The following VPS13B variants were observed in gnomAD, a reference collection of about 807,000 sequenced individuals.
The protein encoded by VPS13B is vacuolar protein sorting 13 homolog B, also known as intermembrane lipid transfer protein VPS13B.
Under a neutral mutation model 426.4 loss-of-function variants are expected in VPS13B, and 285 were observed. That is an observed-to-expected ratio of 0.67 (90% CI 0.61 to 0.74). VPS13B has a LOEUF of 0.74. Among genes scored for constraint, VPS13B ranks in the 30% least tolerant of loss-of-function variants. VPS13B has a pLI of 0.00. For missense variants in VPS13B, 4,537 were observed against 4,782.6 expected, an observed-to-expected ratio of 0.95 and a Z score of 1.51; for synonymous variants, 1,676 against 1,676.4, an observed-to-expected ratio of 1.00 and a Z score of 0.01.
Position 99,832,632 on chromosome 8 carries a change from G to A in VPS13B, c.9594G>A (p.Arg3198=), listed in dbSNP as rs2130858464. 1.2e-6 allele frequency: 2 copies of A among 1,613,640 alleles called. No homozygotes were observed. Among genetic ancestry groups the A allele is most frequent in the Non-Finnish European group, 1.7e-6 (2 of 1,180,000 alleles). Residue 3198 remains arginine (R), a synonymous_variant, in exon 52 of 62, where the codon CGG becomes CGA. Transcript: ENST00000357162. ...QSVAVPLGNF[R]ENGFCTRAIV... is the part of the protein sequence containing the mutation. ...TGGCAGTACCCCTCGGGAATTTCCG[G>A]GAAAATGGATTCTGTACCAGGTATT...
intron 19 of VPS13B, among the ~76,000 whole-genome samples, chr8:99,299,784 T>G (rs1192787007): frequency 6.6e-6 from 1 of 151,920 alleles, no homozygotes; most frequent in Admixed American, 6.6e-5. Context: ...GTGGTGGGCC[T>G]CTGTAATTCC....
At chr8:99,786,085 G>A (rs1263126085) in intron 43 of VPS13B, among the ~76,000 whole-genome samples, 2 of 152,132 alleles carry the variant, frequency 1.3e-5, no homozygotes, top group Non-Finnish European at 2.9e-5. Context: ...AGGATGGGAA[G>A]GGTGATCATA....
intron 23 of VPS13B, among the ~76,000 whole-genome samples, chr8:99,465,366 A>T (rs1453088108): frequency 6.7e-6 from 1 of 149,902 alleles, no homozygotes; most frequent in Non-Finnish European, 1.5e-5. Context: ...AACAATCTGT[A>T]TGCTAAATAA....
chr8:99,020,114 G>A (rs1427770384), intron 2 of VPS13B, among the ~76,000 whole-genome samples: 1 of 151,288 alleles, frequency 6.6e-6, no homozygotes, highest in Admixed American at 6.6e-5. Context: ...AAGGTTCGAA[G>A]TGCTCCGTAT....
intron 23 of VPS13B, among the ~76,000 whole-genome samples, chr8:99,456,825 T>G (rs1200874716): frequency 1.3e-5 from 2 of 152,158 alleles, no homozygotes. Flanking sequence ...AGTTGGGAAG[T>G]CTTTCATTCT....
At chr8:99,641,311 G>A (rs1245429917) in intron 33 of VPS13B, among the ~76,000 whole-genome samples, 1 of 152,008 alleles carries the variant, frequency 6.6e-6, no homozygotes. Flanking sequence ...TCATAATTTA[G>A]GACTACTGAT....
At chr8:99,497,763 G>A (rs1821008481) in intron 25 of VPS13B, among the ~76,000 whole-genome samples, 2 of 151,946 alleles carry the variant, frequency 1.3e-5, no homozygotes, top group South Asian at 4.1e-4. Context: ...AAATTATTAT[G>A]CAAACAACCG....
chr8:99,138,798 CT>C (rs1471902944), intron 12 of VPS13B, among the ~76,000 whole-genome samples: 3 of 152,072 alleles, frequency 2.0e-5, no homozygotes, highest in Admixed American at 6.6e-5. Flanking sequence ...GGTAGGTTTC[CT>C]CTTGTTCAAT....
At chr8:99,415,983 G>T (rs1815978349) in intron 21 of VPS13B, among the ~76,000 whole-genome samples, 1 of 152,230 alleles carries the variant, frequency 6.6e-6, no homozygotes, top group Non-Finnish European at 1.5e-5. Context: ...CTGGCAGGCA[G>T]GAACATTTAA....
At chr8:99,044,893 CA>C (rs1305939400) in intron 3 of VPS13B, among the ~76,000 whole-genome samples, 4 of 129,682 alleles carry the variant, frequency 3.1e-5, no homozygotes, top group African/African-American at 1.1e-4. Flanking sequence ...CACACACACA[CA>C]CACACCACCC....
At chr8:99,454,451 T>G (rs1818349277) in intron 23 of VPS13B, among the ~76,000 whole-genome samples, 1 of 152,200 alleles carries the variant, frequency 6.6e-6, no homozygotes, top group Non-Finnish European at 1.5e-5. Flanking sequence ...ATTACAGGTG[T>G]GAGCAGCTGC....
At chr8:99,798,429 G>A (rs190810611) in intron 43 of VPS13B, among the ~76,000 whole-genome samples, 2 of 152,240 alleles carry the variant, frequency 1.3e-5, no homozygotes, top group Non-Finnish European at 2.9e-5. Flanking sequence ...AGAGGCAGAA[G>A]TTTAGGGTTG....
At chr8:99,873,993 A>ACAT (rs1427381513) in intron 61 of VPS13B, among the ~76,000 whole-genome samples, 3 of 152,256 alleles carry the variant, frequency 2.0e-5, no homozygotes, top group Non-Finnish European at 4.4e-5. Context: ...TTTGTAGATG[A>ACAT]CATCATGCAG....
At chr8:99,840,562 T>C (rs1367146595) in intron 54 of VPS13B, among the ~76,000 whole-genome samples, 1 of 152,200 alleles carries the variant, frequency 6.6e-6, no homozygotes, top group Non-Finnish European at 1.5e-5. Flanking sequence ...CATTAGACAC[T>C]TCCCGAATGC....
intron 21 of VPS13B, among the ~76,000 whole-genome samples, chr8:99,416,704 G>A (rs1051824079): frequency 6.6e-6 from 1 of 152,142 alleles, no homozygotes; most frequent in African/African-American, 2.4e-5. Context: ...TCCTGAGTGA[G>A]GCGATGCCCC....
At position 99,821,103 on chromosome 8, in the gene VPS13B, AACACACAC is replaced by A. The variant is rs755074579; in HGVS notation, c.8995-134_8995-127del. Among the ~76,000 whole-genome samples, 6,827 of 78,218 alleles carry A rather than the reference AACACACAC, an allele frequency of 0.087. 327 individuals carry two copies. Among genetic ancestry groups the A allele is most frequent in the Middle Eastern group, 0.13 (22 of 164 alleles). 51.3% of individuals were successfully genotyped at this position (78,218 alleles called of 152,430 possible). A position where few individuals can be genotyped will look rare whatever the true frequency, so the allele number is the denominator to read the frequency against. On this transcript the variant is annotated intron_variant, in intron 49 of 61. Transcript: ENST00000357162. ...AATAGAATGTACGTTGTCATTACAA[AACACACAC>A]ACACACACACACACACACACACACA...
At chr8:99,612,885 T>C (rs1227729756) in intron 33 of VPS13B, among the ~76,000 whole-genome samples, 1 of 152,166 alleles carries the variant, frequency 6.6e-6, no homozygotes, top group Non-Finnish European at 1.5e-5. Context: ...TTTCCTACTA[T>C]CATTCCTTTA....
At chr8:99,581,031 A>ACACACACACACACACACAC (rs1826032379) in intron 33 of VPS13B, among the ~76,000 whole-genome samples, 2 of 148,072 alleles carry the variant, frequency 1.4e-5, no homozygotes, top group East Asian at 2.0e-4. Context: ...ACACACACAC[A>ACACACACACACACACACAC]AATTAGGCAG....
At chr8:99,791,369 GCCAGCTCCAGCACA>G (rs1307596507) in intron 43 of VPS13B, among the ~76,000 whole-genome samples, 9 of 152,120 alleles carry the variant, frequency 5.9e-5, no homozygotes, top group African/African-American at 2.2e-4. Flanking sequence ...ACAAGTATGA[GCCAGCTCCAGCACA>G]CCACTGTCTG....
Sources: gnomAD v4.1 joint callset for allele counts (sites outside exome capture counted in the v4.1 genomes callset) on GRCh38, gnomAD v4.1.1 for gene constraint, MANE v1.5 for transcripts, NCBI Gene and HGNC (gene_info 2026-07-23, HGNC 2026-07-21) for gene names.